NINL: variants seen among roughly 807,000 people sequenced by gnomAD.
The protein encoded by NINL is ninein-like protein.
Under a neutral mutation model 160.3 loss-of-function variants are expected in NINL, and 153 were observed. The observed-to-expected ratio is 0.95, with a 90% CI of 0.84 to 1.09. The LOEUF is 1.09. Ranked by LOEUF, NINL falls within the 50% of genes least tolerant of loss-of-function variation. The probability of loss-of-function intolerance (pLI) is 0.00; values close to 1 mark genes in which losing one functional copy is unlikely to be tolerated. For missense variants in NINL, 1,829 were observed against 1,764.0 expected, an observed-to-expected ratio of 1.04 and a Z score of -0.66; for synonymous variants, 800 against 734.8, an observed-to-expected ratio of 1.09 and a Z score of -1.43.
At chr20:25,575,244 C>T (rs970190133) in intron 1 of NINL, among the ~76,000 whole-genome samples, 4 of 150,884 alleles carry the variant, frequency 2.7e-5, no homozygotes, top group African/African-American at 9.8e-5. Flanking sequence ...GTCAGGAGAT[C>T]GAGACCATCC....
In NINL at chr20:25,461,420, C is replaced by T. The variant is rs996140195; in HGVS notation, c.3696+102G>A. Reference sequence around the variant, plus strand: ...ACAGCTGTGCCCAGCAGCGCAACTACTTCTTTGGGCTGGAGGAGGCCTGGC... The same window carrying T: ...ACAGCTGTGCCCAGCAGCGCAACTATTTCTTTGGGCTGGAGGAGGCCTGGC... On this transcript the variant is annotated intron_variant, in intron 21 of 23. Coordinates refer to ENST00000278886, the MANE Select transcript of NINL (RefSeq NM_025176.6). 2.1e-5 allele frequency: 15 copies of T among 709,150 alleles called. No individual in the cohort carries two copies. In the Middle Eastern group the frequency reaches 1.9e-3, roughly 89 times the overall value. 43.9% of individuals were successfully genotyped at this position (709,150 alleles called of 1,614,324 possible). A position where few individuals can be genotyped will look rare whatever the true frequency, so the allele number is the denominator to read the frequency against.
chr20:25,549,339 C>A (rs533114397), intron 1 of NINL, among the ~76,000 whole-genome samples: 3 of 151,278 alleles, frequency 2.0e-5, no homozygotes, highest in Non-Finnish European at 4.4e-5. Context: ...AGCTCCCATA[C>A]CCAGCTTCAT....
intron 23 of NINL, among the ~76,000 whole-genome samples, chr20:25,454,376 G>A (rs1353827103): frequency 6.6e-6 from 1 of 152,184 alleles, no homozygotes; most frequent in Non-Finnish European, 1.5e-5. Flanking sequence ...TCAGGGCCAG[G>A]GCAGGTATGC....
Position 25,476,724 on chromosome 20 carries a change from C to CG in NINL, c.2566dup (p.Arg856ProfsTer10). The stretch of plus-strand genomic sequence containing the variant: ...ACCTGGGGCCAGCCAGGCCAGTGGC[C>CG]GCTCCCCACAGCCCGGACGCAGTGG... On this transcript the variant is annotated frameshift_variant, in exon 17 of 24. Coordinates refer to ENST00000278886, the MANE Select transcript of NINL (RefSeq NM_025176.6). LOFTEE classifies it high-confidence loss of function. 2.5e-6 allele frequency: 4 copies of CG among 1,602,562 alleles called. No individual in the cohort carries two copies. Among genetic ancestry groups the CG allele is most frequent in the Non-Finnish European group, 3.4e-6 (4 of 1,178,158 alleles).
Position 25,578,234 on chromosome 20 carries a change from C to T in NINL, c.-12+7221G>A, listed in dbSNP as rs1476335137. Among the ~76,000 whole-genome samples, 8 of 149,476 alleles carry T rather than the reference C, an allele frequency of 5.4e-5. No individual in the cohort carries two copies. The South Asian group carries it at 1.3e-3, about 24-fold the overall frequency. On this transcript the variant is annotated intron_variant, in intron 1 of 23. Transcript: ENST00000278886. ...GCGATTCTTCCATGTCAGCCTCTGG[C>T]GTAGCTGGGATTACAGGTGTGCCCC...
intron 1 of NINL, among the ~76,000 whole-genome samples, chr20:25,530,080 T>C (rs2064430588): frequency 1.3e-5 from 2 of 152,176 alleles, no homozygotes; most frequent in African/African-American, 4.8e-5. Flanking sequence ...CTCTTTTATG[T>C]TTAGTTGTAA....
intron 13 of NINL, among the ~76,000 whole-genome samples, chr20:25,484,049 A>G (rs964599077): frequency 6.6e-6 from 1 of 152,208 alleles, no homozygotes; most frequent in Non-Finnish European, 1.5e-5. Flanking sequence ...AGCCCAAAGT[A>G]GCCCTGCAGA....
At chr20:25,567,117 T>C (rs1181600232) in intron 1 of NINL, among the ~76,000 whole-genome samples, 1 of 152,110 alleles carries the variant, frequency 6.6e-6, no homozygotes, top group African/African-American at 2.4e-5. Context: ...AAAAAAAAAT[T>C]TTCTTTTAAA....
intron 10 of NINL, among the ~76,000 whole-genome samples, chr20:25,493,633 C>T (rs1436932108): frequency 6.6e-6 from 1 of 152,096 alleles, no homozygotes; most frequent in Non-Finnish European, 1.5e-5. Context: ...GTCACCTCCC[C>T]CAGGGGCCGG....
intron 1 of NINL, among the ~76,000 whole-genome samples, chr20:25,566,473 G>A (rs2065000892): frequency 6.6e-6 from 1 of 152,026 alleles, no homozygotes. Context: ...CCTCAGATCT[G>A]ACAAAGATTT....
chr20:25,527,102 T>G (rs1418169412), intron 1 of NINL, among the ~76,000 whole-genome samples: 1 of 151,784 alleles, frequency 6.6e-6, no homozygotes, highest in Non-Finnish European at 1.5e-5. Context: ...CCATCAAAAA[T>G]TCCACTACCA....
chr20:25,502,714 C>T (rs1234281047), intron 7 of NINL, among the ~76,000 whole-genome samples: 1 of 152,048 alleles, frequency 6.6e-6, no homozygotes, highest in African/African-American at 2.4e-5. Flanking sequence ...CTCATGAGAC[C>T]TGGTTGTTTA....
At chr20:25,540,128 G>T in intron 1 of NINL, 1 of 1,038,242 alleles carries the variant, frequency 9.6e-7, no homozygotes, top group Non-Finnish European at 1.3e-6. Flanking sequence ...AAAATCACCA[G>T]AAAATCTGGC....
intron 1 of NINL, among the ~76,000 whole-genome samples, chr20:25,549,859 T>TC (rs1458199982): frequency 2.0e-5 from 3 of 152,100 alleles, no homozygotes; most frequent in Non-Finnish European, 4.4e-5. Context: ...ATCTCAGAAC[T>TC]CCAGGTAGAA....
chr20:25,508,922 T>G (rs1324933023), intron 5 of NINL, among the ~76,000 whole-genome samples: 1 of 152,194 alleles, frequency 6.6e-6, no homozygotes, highest in Admixed American at 6.5e-5. Flanking sequence ...GACACCCCCC[T>G]GTTCTAACTT....
intron 17 of NINL, among the ~76,000 whole-genome samples, chr20:25,473,081 C>G (rs1324653463): frequency 6.6e-6 from 1 of 152,158 alleles, no homozygotes; most frequent in Non-Finnish European, 1.5e-5. Context: ...ATCGCACAAC[C>G]AGGTTGAGCC....
In NINL at chr20:25,476,960, C is replaced by T; in HGVS notation, c.2331G>A (p.Glu777=). 6.2e-7 allele frequency: 1 copy of T among 1,609,192 alleles called. No individual in the cohort carries two copies. The change falls in exon 17 of 24, where the codon GAG becomes GAA. Residue 777 remains glutamate, a synonymous_variant. Coordinates refer to ENST00000278886, the MANE Select transcript of NINL (RefSeq NM_025176.6). ...GPLPRGSQRS[E]QLELERALKL... is the part of the protein sequence containing the mutation. ...TCAGTGCCCTCTCCAGCTCCAGCTG[C>T]TCCGACCTCTGGCTCCCGCGTGGCA...
At chr20:25,533,945 C>A (rs369987453) in intron 1 of NINL, among the ~76,000 whole-genome samples, 2 of 152,196 alleles carry the variant, frequency 1.3e-5, no homozygotes, top group South Asian at 4.1e-4. Flanking sequence ...ACTAAAAGCA[C>A]AGGCAACAAA....
At position 25,512,995 on chromosome 20, in the gene NINL, C is replaced by A; in HGVS notation, c.289G>T (p.Ala97Ser). 6.3e-7 allele frequency: 1 copy of A among 1,596,484 alleles called. No individual in the cohort carries two copies. Among genetic ancestry groups the A allele is most frequent in the Non-Finnish European group, 8.6e-7 (1 of 1,167,938 alleles). The change falls in exon 4 of 24, where the codon GCC becomes TCC. Residue 97 changes from alanine (A) to serine (S), a missense_variant. Physicochemically the swap from Ala to Ser is moderately conservative, Grantham distance 99 (BLOSUM62 1). Transcript: ENST00000278886. ...CCATTCACATACTTTGGAGGGATGG[C>A]ACTGGAGGCAGCTGGAAAGGAAACA... is the stretch of plus-strand genomic sequence containing the variant. The part of the protein sequence containing the change: ...SSSLESAASS[A>S]IPPKYVNGSK...
Sources: gnomAD v4.1 joint callset for allele counts (sites outside exome capture counted in the v4.1 genomes callset) on GRCh38, gnomAD v4.1.1 for gene constraint, MANE v1.5 for transcripts, NCBI Gene and HGNC (gene_info 2026-07-23, HGNC 2026-07-21) for gene names.